IQANK1: variants seen among roughly 807,000 people sequenced by gnomAD.
IQANK1 encodes the protein IQ motif and ankyrin repeat domain-containing protein 1.
In IQANK1, 30 loss-of-function variants were observed where a neutral mutation model predicts 22.6. That is an observed-to-expected ratio of 1.33 (90% CI 0.99 to 1.80). The LOEUF is 1.80. Among genes scored for constraint, IQANK1 ranks in the 40% most tolerant of loss-of-function variants. IQANK1 has a pLI of 0.00. For missense variants in IQANK1, 275 were observed against 235.2 expected (o/e 1.17, Z -1.11); for synonymous variants, 122 against 99.6 (o/e 1.23, Z -1.34).
rs1390174836 is a variant in IQANK1 at position 143,771,986 on chromosome 8, G to A, written c.471+21G>A. ...AGGAGGTCAGCGGGGGCGGGAGGAG[G>A]ACGAGGGCGGGGGGTGGGGTGGGAG... On this transcript the variant is annotated intron_variant, in intron 5 of 13. Coordinates refer to ENST00000527139, the MANE Select transcript of IQANK1 (RefSeq NM_001381874.1). The surrounding 1 kb of genome is among the most constrained non-coding windows in gnomAD (Gnocchi z 6.0). The A allele has an allele frequency of 7.2e-6, 1 of 139,636 alleles. No individual in the cohort carries two copies. Among genetic ancestry groups the A allele is most frequent in the Non-Finnish European group, 1.5e-5 (1 of 66,038 alleles). The allele number at this position is 139,636 out of a possible 1,614,324, so 8.6% of individuals were successfully genotyped here.
chr8:143,768,613 A>G (rs1819520728), intron 3 of IQANK1, among the ~76,000 whole-genome samples: 1 of 150,888 alleles, frequency 6.6e-6, no homozygotes. Context: ...ATGGGATTCT[A>G]CTTTCCCTCC....
Position 143,743,707 on chromosome 8 carries a change from C to T in IQANK1, c.175+3759C>T, listed in dbSNP as rs372527607. On this transcript the variant is annotated intron_variant, in intron 3 of 13. Coordinates refer to ENST00000527139, the MANE Select transcript of IQANK1 (RefSeq NM_001381874.1). Reference sequence around the variant, plus strand: ...CCTGCTTCAGAAGTGACTGAAACGGCATCTGCCTCACAGTGCATATTTAAA... The same window carrying T: ...CCTGCTTCAGAAGTGACTGAAACGGTATCTGCCTCACAGTGCATATTTAAA... Among the ~76,000 whole-genome samples the T allele has an allele frequency of 8.9e-4, 135 of 152,326 alleles. 2 individuals carry two copies. Among genetic ancestry groups the T allele is most frequent in the African/African-American group, 3.1e-3 (129 of 41,584 alleles).
At chr8:143,756,660 T>C (rs565405731) in intron 3 of IQANK1, among the ~76,000 whole-genome samples, 26 of 151,998 alleles carry the variant, frequency 1.7e-4, no homozygotes, top group South Asian at 4.2e-4. Flanking sequence ...CAGGGCCCCA[T>C]AGCAAACCAG....
Position 143,761,919 on chromosome 8 carries a change from C to CATAT in IQANK1, c.176-9565_176-9562dup, listed in dbSNP as rs1819404726. On this transcript the variant is annotated intron_variant, in intron 3 of 13. Coordinates refer to ENST00000527139, the MANE Select transcript of IQANK1 (RefSeq NM_001381874.1). ...ATGTATACATTCTCCCTCTATAGGA[C>CATAT]ATATATAAAGGAGAGTGGGATAGAT... 2.0e-5 allele frequency among the ~76,000 whole-genome samples: 3 copies of CATAT among 151,042 alleles called. No homozygotes were observed. In the East Asian group the frequency reaches 5.8e-4, roughly 29 times the overall value.
intron 3 of IQANK1, among the ~76,000 whole-genome samples, chr8:143,752,996 G>GGTTTT (rs368071885): frequency 2.3e-4 from 16 of 69,940 alleles, no homozygotes; most frequent in African/African-American, 9.9e-4. Context: ...CTCTCTGTTC[G>GGTTTT]TTTTTTTTTT....
At chr8:143,742,456 G>A (rs553998068) in intron 3 of IQANK1, 70 of 456,040 alleles carry the variant, frequency 1.5e-4, no homozygotes, top group Middle Eastern at 1.3e-3. Context: ...CAAAAGGGGC[G>A]AATGCGATGT....
chr8:143,735,097 C>T lies in IQANK1; in HGVS notation c.-4-753C>T, dbSNP rs1818695026. ...CTATTTTCTGTTTTCAGGGTCAGTC[C>T]CAGTTTCATTTGTTCTTTCCCCAAA... On this transcript the variant is annotated intron_variant, in intron 1 of 13. Coordinates refer to ENST00000527139, the MANE Select transcript of IQANK1 (RefSeq NM_001381874.1). This position sits in a 1 kb window ranked among gnomAD's most constrained non-coding sequence, Gnocchi z 5.2. Among the ~76,000 whole-genome samples the T allele has an allele frequency of 6.6e-6, 1 of 152,216 alleles. No individual in the cohort carries two copies. The highest frequency in any genetic ancestry group is 2.4e-5 in the African/African-American group (1 of 41,450).
At chr8:143,737,778 G>A (rs564595857) in intron 2 of IQANK1, among the ~76,000 whole-genome samples, 1 of 152,184 alleles carries the variant, frequency 6.6e-6, no homozygotes, top group Admixed American at 6.5e-5. Flanking sequence ...TGCTCCTCCT[G>A]TAGCTGCTGC....
chr8:143,763,792 TC>T (rs1819437227), intron 3 of IQANK1, among the ~76,000 whole-genome samples: 1 of 152,220 alleles, frequency 6.6e-6, no homozygotes, highest in Non-Finnish European at 1.5e-5. Context: ...TCTCAGGTGT[TC>T]CTCTGTGGCA....
At chr8:143,752,644 TTTTATG>T in intron 3 of IQANK1, among the ~76,000 whole-genome samples, 1 of 152,324 alleles carries the variant, frequency 6.6e-6, no homozygotes, top group African/African-American at 2.4e-5. Flanking sequence ...TTACTGTACT[TTTTATG>T]TTTATATGTA....
Position 143,735,048 on chromosome 8 carries a change from C to T in IQANK1, c.-4-802C>T, listed in dbSNP as rs1416011145. ...TCTGATGGTCATCAGTCGCCTTTCT[C>T]TTTGTTCCTCTTGCCATGTGATCCT... On this transcript the variant is annotated intron_variant, in intron 1 of 13. Coordinates refer to ENST00000527139, the MANE Select transcript of IQANK1 (RefSeq NM_001381874.1). This position sits in a 1 kb window ranked among gnomAD's most constrained non-coding sequence, Gnocchi z 5.2. 6.6e-6 allele frequency among the ~76,000 whole-genome samples: 1 copy of T among 152,232 alleles called. No individual in the cohort carries two copies. Among genetic ancestry groups the T allele is most frequent in the Non-Finnish European group, 1.5e-5 (1 of 68,040 alleles).
At chr8:143,751,654 G>GTATATATATATATATA (rs1394995181) in intron 3 of IQANK1, among the ~76,000 whole-genome samples, 2 of 37,016 alleles carry the variant, frequency 5.4e-5, no homozygotes, top group Non-Finnish European at 9.7e-5. Context: ...GTGTGTGTGT[G>GTATATATATATATATA]TGTGTGTGTG....
At chr8:143,778,754 T>C (rs1819738401) in intron 7 of IQANK1, among the ~76,000 whole-genome samples, 1 of 152,180 alleles carries the variant, frequency 6.6e-6, no homozygotes, top group Non-Finnish European at 1.5e-5. Flanking sequence ...ATAATTATCT[T>C]ATTAACTTGA....
At chr8:143,777,768 C>T (rs1199920279) in intron 7 of IQANK1, among the ~76,000 whole-genome samples, 1 of 151,768 alleles carries the variant, frequency 6.6e-6, no homozygotes, top group Non-Finnish European at 1.5e-5. Flanking sequence ...AAAAATATTG[C>T]CAAAGAAGTC....
At chr8:143,751,598 C>T (rs1387484002) in intron 3 of IQANK1, among the ~76,000 whole-genome samples, 8 of 119,502 alleles carry the variant, frequency 6.7e-5, no homozygotes, top group Admixed American at 2.0e-4. Context: ...GGCAACAGAG[C>T]GAGACTTCAT....
At chr8:143,746,698 T>C (rs1325875479) in intron 3 of IQANK1, among the ~76,000 whole-genome samples, 1 of 152,180 alleles carries the variant, frequency 6.6e-6, no homozygotes, top group African/African-American at 2.4e-5. Context: ...TTGGAGATGT[T>C]TGATTACTGA....
intron 3 of IQANK1, chr8:143,759,082 A>G (rs892639178): frequency 1.4e-5 from 4 of 295,504 alleles, no homozygotes; most frequent in Non-Finnish European, 2.7e-5. Context: ...TTGGCCGGAC[A>G]TGACTCAATA....
intron 3 of IQANK1, among the ~76,000 whole-genome samples, chr8:143,740,479 C>T (rs115917563): frequency 0.025 from 3,824 of 152,338 alleles, 159 homozygotes; most frequent in African/African-American, 0.086. Context: ...GCGAACTCGT[C>T]GTCGGTCTCC....
intron 2 of IQANK1, among the ~76,000 whole-genome samples, chr8:143,736,534 G>C (rs963130078): frequency 2.0e-5 from 3 of 152,096 alleles, no homozygotes; most frequent in Non-Finnish European, 4.4e-5. Context: ...AGGTGGGAAG[G>C]GGGCAGGAGC....
Sources: gnomAD v4.1 joint callset for allele counts (sites outside exome capture counted in the v4.1 genomes callset) on GRCh38, gnomAD v4.1.1 for gene constraint, Gnocchi (gnomAD v3.1) non-coding constraint, MANE v1.5 for transcripts, NCBI Gene and HGNC (gene_info 2026-07-23, HGNC 2026-07-21) for gene names.